PTPRO: variants seen among roughly 807,000 people sequenced by gnomAD.
PTPRO encodes the protein receptor-type tyrosine-protein phosphatase O.
Under a neutral mutation model 145.2 loss-of-function variants are expected in PTPRO, and 62 were observed. The observed-to-expected ratio is 0.43, with a 90% CI of 0.35 to 0.53. The LOEUF is 0.53. Ranked by LOEUF, PTPRO falls within the 20% of genes least tolerant of loss-of-function variation. The pLI is 0.01. For synonymous variants in PTPRO, 565 were observed against 514.7 expected (o/e 1.10, Z -1.32); for missense variants, 1,345 against 1,482.7 (o/e 0.91, Z 1.53).
At chr12:15,585,942 T>C (rs1944421697) in intron 23 of PTPRO, among the ~76,000 whole-genome samples, 1 of 151,786 alleles carries the variant, frequency 6.6e-6, no homozygotes. Flanking sequence ...TTAATAGGAA[T>C]AGGAAAATAT....
At chr12:15,565,304 A>G (rs1943869304) in intron 17 of PTPRO, 1 of 283,092 alleles carries the variant, frequency 3.5e-6, no homozygotes, top group Admixed American at 4.8e-5. Flanking sequence ...CTGCTTTAGC[A>G]ACTTAATCAA....
At chr12:15,438,483 G>T (rs1482946698) in intron 1 of PTPRO, among the ~76,000 whole-genome samples, 1 of 152,052 alleles carries the variant, frequency 6.6e-6, no homozygotes, top group East Asian at 1.9e-4. Context: ...CCCAGGAAAT[G>T]AACAAAAAGA....
chr12:15,533,226 A>T (rs1942997676), intron 12 of PTPRO, among the ~76,000 whole-genome samples: 1 of 152,164 alleles, frequency 6.6e-6, no homozygotes, highest in South Asian at 2.1e-4. Context: ...ACAAGAAGGA[A>T]AGTTGAGTTT....
At chr12:15,466,415 A>C (rs971928298) in intron 1 of PTPRO, among the ~76,000 whole-genome samples, 1 of 152,154 alleles carries the variant, frequency 6.6e-6, no homozygotes, top group Non-Finnish European at 1.5e-5. Flanking sequence ...TATGATGGTT[A>C]TTTTAGATTT....
chr12:15,481,334 C>T (rs983041148), intron 1 of PTPRO, among the ~76,000 whole-genome samples: 2 of 152,206 alleles, frequency 1.3e-5, no homozygotes, highest in African/African-American at 2.4e-5. Context: ...TCCTAGGAGG[C>T]CACAGCCTCA....
In PTPRO at chr12:15,500,144, G is replaced by T. The variant is rs190088544; in HGVS notation, c.661+550G>T. On this transcript the variant is annotated intron_variant, in intron 4 of 26. Transcript: ENST00000281171. ...ATGGAATAATGAATGGATAAAATAA[G>T]CATATATCTACTAAGTACCCATCAC... 2.7e-3 allele frequency among the ~76,000 whole-genome samples: 407 copies of T among 151,496 alleles called. 3 individuals carry two copies. Among genetic ancestry groups the T allele is most frequent in the African/African-American group, 9.6e-3 (396 of 41,288 alleles).
intron 13 of PTPRO, among the ~76,000 whole-genome samples, chr12:15,548,526 A>G (rs1417239446): frequency 7.5e-6 from 1 of 133,498 alleles, no homozygotes; most frequent in Non-Finnish European, 1.6e-5. Context: ...GTGTGTATAT[A>G]TATGTGTGTG....
At chr12:15,386,567 T>A (rs542816537) in intron 1 of PTPRO, among the ~76,000 whole-genome samples, 2 of 152,326 alleles carry the variant, frequency 1.3e-5, no homozygotes, top group Non-Finnish European at 2.9e-5. Context: ...TGCCATGTTG[T>A]ATGGCAAAAA....
chr12:15,380,030 C>T (rs1938811011), intron 1 of PTPRO, among the ~76,000 whole-genome samples: 1 of 151,958 alleles, frequency 6.6e-6, no homozygotes, highest in Non-Finnish European at 1.5e-5. Context: ...TTATTGCTTC[C>T]ATGAGAATAT....
chr12:15,558,687 C>T (rs893486321), intron 16 of PTPRO, among the ~76,000 whole-genome samples: 10 of 152,112 alleles, frequency 6.6e-5, no homozygotes, highest in Non-Finnish European at 1.3e-4. Flanking sequence ...TTTACTAACT[C>T]CCTAAAATGG....
chr12:15,576,942 A>T (rs1591760091), intron 19 of PTPRO, among the ~76,000 whole-genome samples: 1 of 152,228 alleles, frequency 6.6e-6, no homozygotes, highest in Non-Finnish European at 1.5e-5. Flanking sequence ...TCATTTAAAT[A>T]AACTTATAAC....
At chr12:15,505,673 A>G (rs1942307002) in intron 6 of PTPRO, among the ~76,000 whole-genome samples, 3 of 152,244 alleles carry the variant, frequency 2.0e-5, no homozygotes, top group Admixed American at 6.5e-5. Context: ...TACCGCAGAC[A>G]TAAATACTTA....
At position 15,508,896 on chromosome 12, in the gene PTPRO, C is replaced by T; in HGVS notation, c.1464+129C>T. 5.4e-6 allele frequency: 5 copies of T among 933,308 alleles called. No individual in the cohort carries two copies. In the South Asian group the frequency reaches 5.6e-5, roughly 10 times the overall value. The allele number at this position is 933,308 out of a possible 1,614,324, so 57.8% of individuals were successfully genotyped here. Reference sequence around the variant, plus strand: ...GGGATGGGTGTGTTCTGTGACTGTTCCCAAGAGCCAGAGGGGCCAGAAATG... The same window carrying T: ...GGGATGGGTGTGTTCTGTGACTGTTTCCAAGAGCCAGAGGGGCCAGAAATG... On this transcript the variant is annotated intron_variant, in intron 7 of 26. Transcript: ENST00000281171.
In PTPRO at chr12:15,499,504, A is replaced by G; in HGVS notation, c.571A>G (p.Thr191Ala). ...GCCAGGAATGTGTTATAGTAATATC[A>G]CCTTTCAGCTGGTATCTGAGGCAAC... ...WLPGMCYSNI[T>A]FQLVSEATFN... The change falls in exon 4 of 27, where the codon ACC (threonine) becomes GCC (alanine). Residue 191 changes from threonine to alanine, a missense_variant. Transcript: ENST00000281171. 1 of 1,613,628 alleles carries G rather than the reference A, an allele frequency of 6.2e-7. No homozygotes were observed. Among genetic ancestry groups the G allele is most frequent in the Non-Finnish European group, 8.5e-7 (1 of 1,179,616 alleles).
At position 15,516,643 on chromosome 12, in the gene PTPRO, G is replaced by A. The variant is rs7965761; in HGVS notation, c.1586-120G>A. 6 of 842,590 alleles carry A rather than the reference G, an allele frequency of 7.1e-6. No homozygotes were observed. The African/African-American group carries it at 1.1e-4, about 15-fold the overall frequency. 52.2% of individuals were successfully genotyped at this position (842,590 alleles called of 1,614,324 possible). A position where few individuals can be genotyped will look rare whatever the true frequency, so the allele number is the denominator to read the frequency against. ...GAAGGAAGGAAGGAAGGAAGGGAGGGAGGGAGGTAGGTATTGTATCAGAGA... is the reference window on the plus strand; with the variant it reads ...GAAGGAAGGAAGGAAGGAAGGGAGGAAGGGAGGTAGGTATTGTATCAGAGA... On this transcript the variant is annotated intron_variant, in intron 8 of 26. Transcript: ENST00000281171.
At chr12:15,456,086 G>A (rs1257124218) in intron 1 of PTPRO, among the ~76,000 whole-genome samples, 1 of 152,206 alleles carries the variant, frequency 6.6e-6, no homozygotes, top group African/African-American at 2.4e-5. Flanking sequence ...TCAGCATTGA[G>A]TATAATGTTA....
chr12:15,467,913 G>T lies in PTPRO; in HGVS notation c.76-16061G>T, dbSNP rs189443155. 2.1e-3 allele frequency among the ~76,000 whole-genome samples: 326 copies of T among 152,222 alleles called. 2 individuals are homozygous for T. Among genetic ancestry groups the T allele is most frequent in the African/African-American group, 7.7e-3 (320 of 41,546 alleles). Reference sequence around the variant, plus strand: ...GAGAACTATTTGCTATTCAGAATGTGAACTCCCCAATGGTGCATTAGATAT... The same window carrying T: ...GAGAACTATTTGCTATTCAGAATGTTAACTCCCCAATGGTGCATTAGATAT... On this transcript the variant is annotated intron_variant, in intron 1 of 26. Coordinates refer to ENST00000281171, the MANE Select transcript of PTPRO (RefSeq NM_030667.3).
intron 1 of PTPRO, among the ~76,000 whole-genome samples, chr12:15,403,301 G>T (rs1272849423): frequency 6.6e-6 from 1 of 152,086 alleles, no homozygotes; most frequent in Admixed American, 6.6e-5. Context: ...AATACTTCTT[G>T]GCCAGGTGCG....
At chr12:15,408,424 C>CGTTGTT (rs760941723) in intron 1 of PTPRO, among the ~76,000 whole-genome samples, 1 of 151,608 alleles carries the variant, frequency 6.6e-6, no homozygotes, top group African/African-American at 2.4e-5. Context: ...TTTTTGTTTT[C>CGTTGTT]GTTGTTGTTG....
Sources: gnomAD v4.1 joint callset for allele counts (sites outside exome capture counted in the v4.1 genomes callset) on GRCh38, gnomAD v4.1.1 for gene constraint, MANE v1.5 for transcripts, NCBI Gene and HGNC (gene_info 2026-07-23, HGNC 2026-07-21) for gene names.